Variants in DOT1L observed in about 807,000 individuals in gnomAD.
The protein encoded by DOT1L is histone-lysine N-methyltransferase, H3 lysine-79 specific.
In DOT1L, 33 loss-of-function variants were observed where a neutral mutation model predicts 153.3. The ratio of observed to expected loss-of-function variants is 0.22; its 90% CI spans 0.16 to 0.29. DOT1L has a LOEUF of 0.29. DOT1L is among the 10% of genes least tolerant of loss of function. The pLI, the probability that DOT1L is intolerant of heterozygous loss-of-function variation, is 1.00. For synonymous variants in DOT1L, 1,135 were observed against 965.1 expected, an observed-to-expected ratio of 1.18 and a Z score of -3.26; for missense variants, 1,847 against 2,119.9, an observed-to-expected ratio of 0.87 and a Z score of 2.53.
chr19:2,186,039 T>G, intron 3 of DOT1L, 110 bp downstream of exon 3: 1 of 1,057,078 alleles, frequency 9.5e-7, no homozygotes, highest in East Asian at 2.4e-5. Context: ...CAAGCTGATC[T>G]GAAATTTCCT....
At chr19:2,227,385 C>T (rs779144034) in intron 27 of DOT1L, 2 of 705,950 alleles carry the variant, frequency 2.8e-6, no homozygotes, top group Non-Finnish European at 5.2e-6. Flanking sequence ...CGCAGGGCCA[C>T]CAGAGCATTA....
chr19:2,217,692 GC>G lies in DOT1L; in HGVS notation c.2545-75del. ...GGCCGCCTTGAGAGAGCTGTAGCAG[GC>G]CCCCGTCCTGTGGCTGTGGTCCCTG... On this transcript the variant is annotated intron_variant, in intron 21 of 27. Coordinates refer to ENST00000398665, the MANE Select transcript of DOT1L (RefSeq NM_032482.3). The surrounding 1 kb of genome is among the most constrained non-coding windows in gnomAD (Gnocchi z 7.3). 1 of 1,521,734 alleles carries G rather than the reference GC, an allele frequency of 6.6e-7. No individual in the cohort carries two copies. The highest frequency in any genetic ancestry group is 8.8e-7 in the Non-Finnish European group (1 of 1,129,998). 94.3% of individuals were successfully genotyped at this position (1,521,734 alleles called of 1,614,324 possible).
At chr19:2,206,638 C>A in intron 9 of DOT1L, 91 bp from the exon 10 acceptor site, 1 of 1,284,488 alleles carries the variant, frequency 7.8e-7, no homozygotes, top group Non-Finnish European at 1.1e-6. Flanking sequence ...GTGTGTGTTC[C>A]GTGTCATTGT....
intron 19 of DOT1L, among the ~76,000 whole-genome samples, chr19:2,215,092 T>TA (rs1327856565): frequency 6.6e-6 from 1 of 151,914 alleles, no homozygotes; most frequent in Non-Finnish European, 1.5e-5. Flanking sequence ...GGTGTGTGCC[T>TA]ATAGTCCCAG....
Position 2,164,214 on chromosome 19 carries a change from G to A in DOT1L, c.30G>A (p.Lys10=), listed in dbSNP as rs1286844911. 9.4e-6 allele frequency: 12 copies of A among 1,277,948 alleles called. No individual in the cohort carries two copies. The highest frequency in any genetic ancestry group is 1.2e-5 in the Non-Finnish European group (12 of 1,009,524). The allele number at this position is 1,277,948 out of a possible 1,614,324, so 79.2% of individuals were successfully genotyped here. Residue 10 remains lysine, a synonymous_variant, in exon 1 of 28, where the codon AAG becomes AAA. Coordinates refer to ENST00000398665, the MANE Select transcript of DOT1L (RefSeq NM_032482.3). MGEKLELRL[K]SPVGAEPAVY... The stretch of plus-strand genomic sequence containing the variant: ...GGGAGAAGCTGGAGCTGAGACTGAA[G>A]TCGCCCGTGGGGGCTGAGCCCGCCG...
In DOT1L at chr19:2,197,021, G is replaced by A. The variant is rs540444654; in HGVS notation, c.651+2444G>A. Among the ~76,000 whole-genome samples, 42 of 152,300 alleles carry A rather than the reference G, an allele frequency of 2.8e-4. No individual in the cohort carries two copies. Among genetic ancestry groups the A allele is most frequent in the South Asian group, 1.2e-3 (6 of 4,822 alleles). ...AGTGCTGAACGCGTCCGCCTTGGTC[G>A]GCGTGCGATTCTGTTTATCCAAGGT... is the stretch of plus-strand genomic sequence containing the variant. On this transcript the variant is annotated intron_variant, in intron 7 of 27. Transcript: ENST00000398665. The surrounding 1 kb of genome is among the most constrained non-coding windows in gnomAD (Gnocchi z 4.1).
In DOT1L at chr19:2,207,992, C is replaced by T. The variant is rs577252276; in HGVS notation, c.963+312C>T. On this transcript the variant is annotated intron_variant, in intron 11 of 27. Transcript: ENST00000398665. This position sits in a 1 kb window ranked among gnomAD's most constrained non-coding sequence, Gnocchi z 4.5. The stretch of plus-strand genomic sequence containing the variant: ...GATGTGTGACCATAAGGGTCCCGGC[C>T]GCCATATCCAGAGGCCCCTGTGGAT... 1.2e-4 allele frequency among the ~76,000 whole-genome samples: 19 copies of T among 152,224 alleles called. No individual in the cohort carries two copies. Among genetic ancestry groups the T allele is most frequent in the African/African-American group, 4.6e-4 (19 of 41,542 alleles).
At chr19:2,218,755 T>G (rs1599608164) in intron 22 of DOT1L, among the ~76,000 whole-genome samples, 1 of 147,900 alleles carries the variant, frequency 6.8e-6, no homozygotes, top group Non-Finnish European at 1.5e-5. Context: ...GGAGTGCAAT[T>G]GTGTGATCTC....
intron 3 of DOT1L, among the ~76,000 whole-genome samples, chr19:2,186,817 G>A (rs764084924): frequency 6.6e-6 from 1 of 152,364 alleles, no homozygotes; most frequent in East Asian, 1.9e-4. Context: ...CACCTGCCTC[G>A]CATGTCGGGG....
intron 1 of DOT1L, among the ~76,000 whole-genome samples, chr19:2,178,376 A>AC (rs2022057303): frequency 6.6e-6 from 1 of 150,540 alleles, no homozygotes; most frequent in South Asian, 2.1e-4. Flanking sequence ...CAGAAAAAAA[A>AC]AAAAAACAAA....
intron 27 of DOT1L, 40 bp from the exon 28 acceptor site, chr19:2,229,745 G>T (rs2024518025): frequency 6.2e-7 from 1 of 1,612,502 alleles, no homozygotes; most frequent in Admixed American, 1.7e-5. Flanking sequence ...CAGGCGCGAT[G>T]GTAACCTCAG....
At chr19:2,202,818 T>A (rs751744095) in intron 9 of DOT1L, 39 bp downstream of exon 9, 1 of 1,611,228 alleles carries the variant, frequency 6.2e-7, no homozygotes, top group African/African-American at 1.3e-5. Context: ...TGGTGTGACA[T>A]GATTGAGGAA....
At chr19:2,228,544 A>G (rs2024466988) in intron 27 of DOT1L, 11 of 985,306 alleles carry the variant, frequency 1.1e-5, no homozygotes, top group South Asian at 9.4e-5. Context: ...AGGAGGGACT[A>G]CAGGACGGGC....
intron 9 of DOT1L, among the ~76,000 whole-genome samples, 188 bp downstream of exon 9, chr19:2,202,967 G>A (rs1311938360): frequency 6.6e-6 from 1 of 152,168 alleles, no homozygotes; most frequent in Non-Finnish European, 1.5e-5. Context: ...TGTCACCCAG[G>A]CTGGAGTGTA....
At chr19:2,224,581 C>G (rs1437950131) in intron 25 of DOT1L, among the ~76,000 whole-genome samples, 1 of 151,872 alleles carries the variant, frequency 6.6e-6, no homozygotes, top group Non-Finnish European at 1.5e-5. Flanking sequence ...ATTCTCCTGC[C>G]TCAGCCTCCT....
chr19:2,166,760 C>A (rs773806713), intron 1 of DOT1L, among the ~76,000 whole-genome samples: 1 of 152,274 alleles, frequency 6.6e-6, no homozygotes, highest in South Asian at 2.1e-4. Context: ...GGGCGTAGTT[C>A]GCTGGTTGCA....
At chr19:2,164,521 C>T in intron 1 of DOT1L, 1 of 298,252 alleles carries the variant, frequency 3.4e-6, no homozygotes, top group Non-Finnish European at 6.2e-6. Context: ...TGCCGTTGCC[C>T]CCGCCGGGCT....
chr19:2,219,083 G>A (rs1228938506), intron 22 of DOT1L, among the ~76,000 whole-genome samples: 1 of 152,214 alleles, frequency 6.6e-6, no homozygotes, highest in Non-Finnish European at 1.5e-5. Flanking sequence ...TCTTGGCCGA[G>A]CTGGTCTCAA....
intron 7 of DOT1L, among the ~76,000 whole-genome samples, chr19:2,196,004 C>T (rs1007253532): frequency 4.6e-5 from 7 of 152,216 alleles, no homozygotes; most frequent in East Asian, 3.9e-4. Flanking sequence ...TGTGCCCGCC[C>T]GTCTGCCTGG....
Sources: allele counts gnomAD v4.1 joint callset (sites outside exome capture counted in the v4.1 genomes callset), GRCh38; gene constraint gnomAD v4.1.1; non-coding constraint Gnocchi (gnomAD v3.1); transcripts MANE v1.5; gene names NCBI Gene and HGNC (gene_info 2026-07-23, HGNC 2026-07-21).